Variants in HMCN2 observed in about 807,000 individuals in gnomAD.
HMCN2 encodes the protein hemicentin-2.
A neutral mutation model predicts 377.5 loss-of-function variants in HMCN2; 325 were observed. The ratio of observed to expected loss-of-function variants is 0.86; its 90% CI spans 0.79 to 0.94. The LOEUF (loss-of-function observed/expected upper bound fraction) is 0.94, where lower values mean the gene tolerates loss of function less well. Ranked by LOEUF, HMCN2 falls within the 40% of genes least tolerant of loss-of-function variation. HMCN2 has a pLI of 0.00. For synonymous variants in HMCN2, 2,007 were observed against 2,046.8 expected (o/e 0.98, Z 0.53); for missense variants, 4,543 against 4,725.3 (o/e 0.96, Z 1.13).
intron 42 of HMCN2, 72 bp downstream of exon 42, chr9:130,365,799 C>T: frequency 1.0e-6 from 1 of 981,138 alleles, no homozygotes; most frequent in Non-Finnish European, 1.2e-6. Context: ...CAGCCCTCCT[C>T]CAGCCTGCCC....
Position 130,391,497 on chromosome 9 carries a change from C to T in HMCN2, c.9875C>T (p.Ser3292Leu), listed in dbSNP as rs550267324. The change falls in exon 65 of 98, where the codon TCG (serine) becomes TTG (leucine). Residue 3292 changes from serine to leucine, a missense_variant. By Grantham distance (145) the Ser-to-Leu change is moderately radical. Transcript: ENST00000683500. ...GSLVLKGLRA[S>L]DAGAYTCVAH... ...CTGGTGCTAAAAGGCCTGAGGGCCT[C>T]GGACGCGGGTGCCTACACCTGCGTG... 3.7e-5 allele frequency: 37 copies of T among 987,840 alleles called. No individual in the cohort carries two copies. The highest frequency in any genetic ancestry group is 6.1e-5 in the Admixed American group (1 of 16,296). 61.2% of individuals were successfully genotyped at this position (987,840 alleles called of 1,614,324 possible).
chr9:130,377,937 G>A (rs892800010), intron 53 of HMCN2, 138 bp downstream of exon 53: 9 of 606,968 alleles, frequency 1.5e-5, no homozygotes, highest in Non-Finnish European at 1.7e-5. Context: ...CATCTCAGCA[G>A]CCCAGAACGG....
Position 130,423,671 on chromosome 9 carries a change from G to A in HMCN2, c.13381+945G>A, listed in dbSNP as rs1844146507. ...TGGCACCGTCCCTGACTCAGAGCAA[G>A]TGGGGAGCGGGTGTGTTCCCCTTGC... On this transcript the variant is annotated intron_variant, in intron 87 of 97. Coordinates refer to ENST00000683500, the MANE Select transcript of HMCN2 (RefSeq NM_001291815.2). The surrounding 1 kb of genome is among the most constrained non-coding windows in gnomAD (Gnocchi z 5.5). 6.6e-6 allele frequency among the ~76,000 whole-genome samples: 1 copy of A among 152,232 alleles called. No homozygotes were observed. Among genetic ancestry groups the A allele is most frequent in the African/African-American group, 2.4e-5 (1 of 41,464 alleles).
At position 130,379,446 on chromosome 9, in the gene HMCN2, G is replaced by T; in HGVS notation, c.8410G>T (p.Asp2804Tyr). ...YREDQPLSAG[D>Y]EVSVLQGGRV... is the part of the protein sequence containing the mutation. ...AGAGGATCAGCCCCTCTCGGCCGGGGATGAGGTGTCTGTGCTGCAAGGTGG... is the reference window on the plus strand; with the variant it reads ...AGAGGATCAGCCCCTCTCGGCCGGGTATGAGGTGTCTGTGCTGCAAGGTGG... Residue 2804 changes from aspartate to tyrosine, a missense_variant, in exon 54 of 98, where the codon GAT becomes TAT. Around this residue, in one of 5 missense-constraint regions of HMCN2, gnomAD observed 736 missense variants for 773.2 expected, o/e 0.95. Coordinates refer to ENST00000683500, the MANE Select transcript of HMCN2 (RefSeq NM_001291815.2). 19 of 985,900 alleles carry T rather than the reference G, an allele frequency of 1.9e-5. No homozygotes were observed. The highest frequency in any genetic ancestry group is 2.3e-5 in the Non-Finnish European group (19 of 829,984). The allele number at this position is 985,900 out of a possible 1,614,324, so 61.1% of individuals were successfully genotyped here.
intron 59 of HMCN2, among the ~76,000 whole-genome samples, chr9:130,385,088 T>A (rs987748174): frequency 6.6e-6 from 1 of 152,190 alleles, no homozygotes; most frequent in Admixed American, 6.5e-5. Flanking sequence ...TGGCCCAAGG[T>A]GTCTTTAGCA....
Position 130,425,943 on chromosome 9 carries a change from G to A in HMCN2, c.13879+19G>A. 1 of 1,525,736 alleles carries A rather than the reference G, an allele frequency of 6.6e-7. No homozygotes were observed. Among genetic ancestry groups the A allele is most frequent in the Non-Finnish European group, 8.8e-7 (1 of 1,129,956 alleles). The allele number at this position is 1,525,736 out of a possible 1,614,324, so 94.5% of individuals were successfully genotyped here. On this transcript the variant is annotated intron_variant, in intron 90 of 97. Coordinates refer to ENST00000683500, the MANE Select transcript of HMCN2 (RefSeq NM_001291815.2). ...CAGGCGGGTGAGGCCCCTCTGCTTT[G>A]TTCCACCCCCACTGCCCCAGCTAAA...
intron 79 of HMCN2, 125 bp downstream of exon 79, chr9:130,403,453 G>GTCTGC: frequency 1.8e-6 from 2 of 1,098,288 alleles, no homozygotes; most frequent in Non-Finnish European, 2.4e-6. Context: ...AAAGCCCCTG[G>GTCTGC]CCTGCCCAGA....
chr9:130,390,748 G>T (rs926002517), intron 62 of HMCN2, among the ~76,000 whole-genome samples: 2 of 152,108 alleles, frequency 1.3e-5, no homozygotes, highest in Admixed American at 6.5e-5. Context: ...GGGAGGGAGA[G>T]GATGGGAGCT....
At chr9:130,415,690 T>A (rs1317699696) in intron 85 of HMCN2, among the ~76,000 whole-genome samples, 1 of 152,216 alleles carries the variant, frequency 6.6e-6, no homozygotes, top group Non-Finnish European at 1.5e-5. Context: ...TTTACTGTCC[T>A]TTGTACCCCT....
chr9:130,424,958 G>A, intron 88 of HMCN2, 45 bp downstream of exon 88: 1 of 1,497,704 alleles, frequency 6.7e-7, no homozygotes, highest in Non-Finnish European at 8.9e-7. Flanking sequence ...ACTAAAGCCT[G>A]CGCCCAGGAC....
intron 4 of HMCN2, 143 bp downstream of exon 4, chr9:130,286,453 G>C: frequency 2.6e-6 from 1 of 382,758 alleles, no homozygotes; most frequent in South Asian, 1.9e-5. Flanking sequence ...GCAGCACTGG[G>C]TGCACACCTG....
At chr9:130,277,478 C>G (rs1554923529) in intron 1 of HMCN2, among the ~76,000 whole-genome samples, 4 of 152,194 alleles carry the variant, frequency 2.6e-5, no homozygotes. Flanking sequence ...AGACTGGACT[C>G]TCATTTCTAC....
At chr9:130,358,910 G>A (rs1420926089) in intron 36 of HMCN2, among the ~76,000 whole-genome samples, 3 of 152,188 alleles carry the variant, frequency 2.0e-5, no homozygotes, top group African/African-American at 7.2e-5. Context: ...TCCTGACCTC[G>A]TGATCCGCCC....
Position 130,356,168 on chromosome 9 carries a change from A to T in HMCN2, c.5336A>T (p.His1779Leu). Residue 1779 changes from histidine to leucine, a missense_variant, in exon 34 of 98, where the codon CAT becomes CTT. By Grantham distance (99) the His-to-Leu change is moderately conservative. This residue lies in a region of HMCN2 where 1,032 missense variants were observed against 1,285.1 expected (regional missense o/e 0.80). Transcript: ENST00000683500. ...CAGGGGACCACACTGCACATTGACC[A>T]TGTGGAGCTGGACCACTCAGGCCTC... ...ASQGTTLHID[H>L]VELDHSGLFA... 7.7e-7 allele frequency: 1 copy of T among 1,303,074 alleles called. No individual in the cohort carries two copies. Among genetic ancestry groups the T allele is most frequent in the Non-Finnish European group, 1.0e-6 (1 of 988,814 alleles). 80.7% of individuals were successfully genotyped at this position (1,303,074 alleles called of 1,614,324 possible).
intron 61 of HMCN2, among the ~76,000 whole-genome samples, chr9:130,387,305 TGA>T (rs1015396756): frequency 1.3e-5 from 2 of 152,168 alleles, no homozygotes; most frequent in Admixed American, 6.5e-5. Context: ...GTTGAGTAAA[TGA>T]GAGAGTTTAA....
At chr9:130,306,519 G>A (rs1403250023) in intron 12 of HMCN2, among the ~76,000 whole-genome samples, 1 of 149,228 alleles carries the variant, frequency 6.7e-6, no homozygotes, top group Non-Finnish European at 1.5e-5. Context: ...CATTCAGGCT[G>A]TGTGGACCTG....
At chr9:130,302,309 G>A (rs1271469168) in intron 8 of HMCN2, among the ~76,000 whole-genome samples, 1 of 152,212 alleles carries the variant, frequency 6.6e-6, no homozygotes, top group African/African-American at 2.4e-5. Context: ...GCCTCCCAAA[G>A]TGCTGGGATT....
chr9:130,372,458 C>A, intron 47 of HMCN2, 51 bp downstream of exon 47: 2 of 714,816 alleles, frequency 2.8e-6, no homozygotes, highest in Non-Finnish European at 3.4e-6. Context: ...TTCCCCACTG[C>A]CTGGGAGCTC....
chr9:130,387,960 T>A (rs572746474), intron 61 of HMCN2, among the ~76,000 whole-genome samples: 1 of 152,334 alleles, frequency 6.6e-6, no homozygotes, highest in South Asian at 2.1e-4. Flanking sequence ...ACACCAGGCT[T>A]GCTGCTCAAA....
Sources: gnomAD v4.1 joint callset for allele counts (sites outside exome capture counted in the v4.1 genomes callset) on GRCh38, gnomAD v4.1.1 for gene constraint, gnomAD v4.1.1 regional missense constraint, Gnocchi (gnomAD v3.1) non-coding constraint, MANE v1.5 for transcripts, NCBI Gene and HGNC (gene_info 2026-07-23, HGNC 2026-07-21) for gene names.